HTR1F: variants seen among roughly 807,000 people sequenced by gnomAD.
HTR1F encodes the protein 5-hydroxytryptamine (serotonin) receptor 1F, G protein-coupled.
In HTR1F, 17 loss-of-function variants were observed where a neutral mutation model predicts 24.0. The ratio of observed to expected loss-of-function variants is 0.71; its 90% CI spans 0.48 to 1.06. The LOEUF (loss-of-function observed/expected upper bound fraction) is 1.06. HTR1F is among the 50% of genes least tolerant of loss of function. HTR1F has a pLI of 0.00. For synonymous variants in HTR1F, 186 were observed against 156.8 expected, an observed-to-expected ratio of 1.19 and a Z score of -1.39; for missense variants, 391 against 427.8, an observed-to-expected ratio of 0.91 and a Z score of 0.76.
chr3:87,927,164 G>A lies in HTR1F; in HGVS notation c.-42-63544G>A, dbSNP rs568670239. 1.5e-3 allele frequency among the ~76,000 whole-genome samples: 234 copies of A among 152,196 alleles called. 1 individual carries two copies. The highest frequency in any genetic ancestry group is 5.2e-3 in the African/African-American group (217 of 41,538). ...ACCATGGTTATATGCCACAACTTAA[G>A]TGTAGATGATCACCAGTGAGTCTGC... On this transcript the variant is annotated intron_variant, in intron 2 of 2. Coordinates refer to ENST00000319595, the MANE Select transcript of HTR1F (RefSeq NM_001322209.2).
At chr3:87,813,608 C>A (rs900165335) in intron 1 of HTR1F, among the ~76,000 whole-genome samples, 10 of 152,084 alleles carry the variant, frequency 6.6e-5, no homozygotes, top group African/African-American at 2.4e-4. Context: ...GGGCCAGGGG[C>A]AGAATGATAT....
chr3:87,923,578 T>A (rs1340492696), intron 2 of HTR1F, among the ~76,000 whole-genome samples: 1 of 152,018 alleles, frequency 6.6e-6, no homozygotes. Flanking sequence ...TGAATGTTGA[T>A]CTTGTACCCT....
intron 2 of HTR1F, among the ~76,000 whole-genome samples, chr3:87,875,922 T>C (rs933867267): frequency 4.4e-5 from 4 of 91,292 alleles, no homozygotes; most frequent in African/African-American, 2.3e-4. Flanking sequence ...AGGCTCCGTC[T>C]CAAAAAAAAA....
intron 1 of HTR1F, among the ~76,000 whole-genome samples, chr3:87,804,913 T>C (rs1420083957): frequency 6.6e-6 from 1 of 152,120 alleles, no homozygotes; most frequent in East Asian, 1.9e-4. Context: ...ATTACCTTAT[T>C]TATTTTAATT....
chr3:87,857,583 G>T (rs963788367), intron 2 of HTR1F, among the ~76,000 whole-genome samples: 11 of 151,976 alleles, frequency 7.2e-5, no homozygotes, highest in African/African-American at 2.4e-4. Flanking sequence ...TCTTTTTAAA[G>T]ACTTTTTTTT....
At chr3:87,942,847 G>A (rs929539265) in intron 2 of HTR1F, among the ~76,000 whole-genome samples, 7 of 152,056 alleles carry the variant, frequency 4.6e-5, no homozygotes, top group African/African-American at 7.2e-5. Flanking sequence ...TGCTCTGGGC[G>A]TAAGGCAGAC....
rs1346498749 is a variant in HTR1F at position 87,991,877 on chromosome 3, TG to T, written c.*32del. 6 of 1,519,244 alleles carry T rather than the reference TG, an allele frequency of 3.9e-6. No individual in the cohort carries two copies. In the Admixed American group the frequency reaches 8.9e-5, roughly 23 times the overall value. The allele number at this position is 1,519,244 out of a possible 1,614,324, so 94.1% of individuals were successfully genotyped here. A position where few individuals can be genotyped will look rare whatever the true frequency, so the allele number is the denominator to read the frequency against. On this transcript the variant is annotated 3_prime_UTR_variant, in exon 3 of 3. Coordinates refer to ENST00000319595, the MANE Select transcript of HTR1F (RefSeq NM_001322209.2). Reference sequence around the variant, plus strand: ...TTTAAAAATGTTTATTATTGAAGGATGGGGGTTTTTGAGGGGAGGAATAACT... The same window carrying T: ...TTTAAAAATGTTTATTATTGAAGGATGGGGTTTTTGAGGGGAGGAATAACT...
At chr3:87,982,973 G>A (rs1218898563) in intron 2 of HTR1F, among the ~76,000 whole-genome samples, 1 of 152,178 alleles carries the variant, frequency 6.6e-6, no homozygotes, top group Non-Finnish European at 1.5e-5. Context: ...TCAAAGACTG[G>A]TGCCATGATT....
chr3:87,964,962 C>T lies in HTR1F; in HGVS notation c.-42-25746C>T, dbSNP rs545689165. Among the ~76,000 whole-genome samples the T allele has an allele frequency of 5.3e-5, 8 of 152,188 alleles. No homozygotes were observed. The South Asian group carries it at 1.2e-3, about 24-fold the overall frequency. On this transcript the variant is annotated intron_variant, in intron 2 of 2. Coordinates refer to ENST00000319595, the MANE Select transcript of HTR1F (RefSeq NM_001322209.2). ...AGATCTGATGGTTTCATAAAGGGTT[C>T]CCCTACACAAGCTCTCTTGCCTGCT...
At chr3:87,793,810 A>G (rs1359573124) in intron 1 of HTR1F, among the ~76,000 whole-genome samples, 1 of 152,102 alleles carries the variant, frequency 6.6e-6, no homozygotes, top group Non-Finnish European at 1.5e-5. Flanking sequence ...CTGCATGTTA[A>G]TTACTTCCCA....
intron 2 of HTR1F, among the ~76,000 whole-genome samples, chr3:87,960,432 G>A (rs1279417837): frequency 2.6e-5 from 4 of 151,926 alleles, no homozygotes; most frequent in African/African-American, 9.7e-5. Context: ...GTCCTTCTAG[G>A]AATAGCAAAA....
chr3:87,836,011 C>T (rs1446191522), intron 2 of HTR1F, among the ~76,000 whole-genome samples: 1 of 152,178 alleles, frequency 6.6e-6, no homozygotes, highest in Admixed American at 6.5e-5. Flanking sequence ...ACTAAAACTA[C>T]ACTAAACCTA....
chr3:87,945,593 A>C (rs2919261), intron 2 of HTR1F, among the ~76,000 whole-genome samples: 12 of 152,258 alleles, frequency 7.9e-5, no homozygotes, highest in African/African-American at 2.9e-4. Context: ...CTAGTTGGCC[A>C]TCGGCTTCCC....
chr3:87,806,361 T>C (rs1250677103), intron 1 of HTR1F, among the ~76,000 whole-genome samples: 2 of 152,118 alleles, frequency 1.3e-5, no homozygotes, highest in African/African-American at 2.4e-5. Flanking sequence ...TGTCAATGTG[T>C]ATAAAAGTTC....
chr3:87,794,372 G>T (rs932958863), intron 1 of HTR1F, among the ~76,000 whole-genome samples: 3 of 152,138 alleles, frequency 2.0e-5, no homozygotes, highest in African/African-American at 7.2e-5. Context: ...TTCAAAGTGA[G>T]TCTTGAGAAT....
At chr3:87,934,989 A>G (rs1704376311) in intron 2 of HTR1F, among the ~76,000 whole-genome samples, 1 of 152,020 alleles carries the variant, frequency 6.6e-6, no homozygotes, top group African/African-American at 2.4e-5. Flanking sequence ...CCCCAGCCTC[A>G]CAAGTAGCTG....
intron 2 of HTR1F, among the ~76,000 whole-genome samples, chr3:87,919,596 T>C (rs955017341): frequency 8.6e-5 from 13 of 152,018 alleles, no homozygotes; most frequent in South Asian, 2.1e-4. Flanking sequence ...GATATACAAA[T>C]GACCAACAAA....
chr3:87,936,101 T>A (rs1434068952), intron 2 of HTR1F, among the ~76,000 whole-genome samples: 4 of 152,140 alleles, frequency 2.6e-5, no homozygotes, highest in Non-Finnish European at 5.9e-5. Context: ...CCTCCCACCT[T>A]GGCCTCCCAA....
At chr3:87,914,846 A>T (rs370349643) in intron 2 of HTR1F, among the ~76,000 whole-genome samples, 1 of 151,992 alleles carries the variant, frequency 6.6e-6, no homozygotes, top group Non-Finnish European at 1.5e-5. Flanking sequence ...ACCACAGCTG[A>T]TGCTCTCTGG....
Sources: gnomAD v4.1 joint callset for allele counts (sites outside exome capture counted in the v4.1 genomes callset) on GRCh38, gnomAD v4.1.1 for gene constraint, MANE v1.5 for transcripts, NCBI Gene and HGNC (gene_info 2026-07-23, HGNC 2026-07-21) for gene names.